The following CDH13 variants were observed in gnomAD, a reference collection of about 807,000 sequenced individuals.
CDH13 encodes cadherin-13.
A neutral mutation model predicts 63.8 loss-of-function variants in CDH13; 24 were observed. That is an observed-to-expected ratio of 0.38 (90% CI 0.27 to 0.53). The LOEUF is 0.53. Among genes scored for constraint, CDH13 ranks in the 20% least tolerant of loss-of-function variants. The pLI, the probability that CDH13 is intolerant of heterozygous loss-of-function variation, is 0.85. For synonymous variants in CDH13, 503 were observed against 355.3 expected (o/e 1.42, Z -4.67); for missense variants, 1,049 against 903.1 (o/e 1.16, Z -2.07).
chr16:82,661,536 G>A (rs1911947302), intron 1 of CDH13, among the ~76,000 whole-genome samples: 1 of 152,226 alleles, frequency 6.6e-6, no homozygotes, highest in Admixed American at 6.5e-5. Flanking sequence ...GTGTTCCCTT[G>A]GTGAAAGCCT....
chr16:82,680,908 C>T (rs911029282), intron 1 of CDH13, among the ~76,000 whole-genome samples: 2 of 152,178 alleles, frequency 1.3e-5, no homozygotes, highest in African/African-American at 4.8e-5. Context: ...ACCTTAAACT[C>T]ACTTGCTCAG....
intron 1 of CDH13, among the ~76,000 whole-genome samples, chr16:82,720,862 T>C (rs2032727920): frequency 6.6e-6 from 1 of 152,172 alleles, no homozygotes; most frequent in African/African-American, 2.4e-5. Flanking sequence ...CATTCGCCAA[T>C]GAGTCTCCTG....
At chr16:83,083,626 A>T (rs1425511569) in intron 3 of CDH13, among the ~76,000 whole-genome samples, 1 of 152,194 alleles carries the variant, frequency 6.6e-6, no homozygotes, top group African/African-American at 2.4e-5. Flanking sequence ...TGAAATATGG[A>T]ATTTGTATTG....
chr16:82,789,791 T>G (rs755297416), intron 1 of CDH13, among the ~76,000 whole-genome samples: 18 of 152,162 alleles, frequency 1.2e-4, no homozygotes, highest in Non-Finnish European at 2.2e-4. Context: ...GTGTTCAGAT[T>G]TTGAGAGCCT....
intron 7 of CDH13, among the ~76,000 whole-genome samples, chr16:83,506,920 C>T (rs1181029950): frequency 6.6e-6 from 1 of 152,220 alleles, no homozygotes; most frequent in African/African-American, 2.4e-5. Flanking sequence ...GCCTCACCAA[C>T]ATCCTGACTG....
At chr16:83,151,697 G>T (rs192502379) in intron 4 of CDH13, among the ~76,000 whole-genome samples, 3 of 152,288 alleles carry the variant, frequency 2.0e-5, no homozygotes, top group African/African-American at 7.2e-5. Context: ...AGGCACAGTG[G>T]TTCACGCCTG....
At chr16:82,835,909 C>G (rs1363772337) in intron 1 of CDH13, among the ~76,000 whole-genome samples, 4 of 152,142 alleles carry the variant, frequency 2.6e-5, no homozygotes, top group Non-Finnish European at 5.9e-5. Context: ...TACCAACACC[C>G]CCAGGAGAAA....
At chr16:83,378,769 G>A (rs1597870457) in intron 6 of CDH13, among the ~76,000 whole-genome samples, 2 of 152,196 alleles carry the variant, frequency 1.3e-5, no homozygotes, top group East Asian at 3.9e-4. Context: ...AGACTTGTAG[G>A]TAACACATAT....
intron 1 of CDH13, among the ~76,000 whole-genome samples, chr16:82,647,689 G>A (rs1028049820): frequency 6.6e-6 from 1 of 152,178 alleles, no homozygotes; most frequent in South Asian, 2.1e-4. Flanking sequence ...GACTACTCCA[G>A]CCTCAGAGAA....
chr16:83,570,491 A>T (rs896929413), intron 7 of CDH13, among the ~76,000 whole-genome samples: 1 of 151,988 alleles, frequency 6.6e-6, no homozygotes, highest in Non-Finnish European at 1.5e-5. Flanking sequence ...AAGCCAAGGA[A>T]AAACGTACTG....
intron 2 of CDH13, among the ~76,000 whole-genome samples, chr16:82,881,847 C>G (rs1253630310): frequency 6.6e-6 from 1 of 152,130 alleles, no homozygotes; most frequent in Non-Finnish European, 1.5e-5. Flanking sequence ...CCCCCACACC[C>G]AGGTCTCTTT....
At chr16:82,987,122 T>A (rs940224707) in intron 2 of CDH13, among the ~76,000 whole-genome samples, 1 of 152,180 alleles carries the variant, frequency 6.6e-6, no homozygotes, top group Admixed American at 6.5e-5. Flanking sequence ...GCTGTAGCAC[T>A]GGTCACCTTG....
chr16:83,352,058 C>T (rs913879230), intron 6 of CDH13, among the ~76,000 whole-genome samples: 2 of 152,158 alleles, frequency 1.3e-5, no homozygotes, highest in Non-Finnish European at 2.9e-5. Context: ...CTTAGGTCAT[C>T]ACTGGAATTT....
intron 2 of CDH13, among the ~76,000 whole-genome samples, chr16:82,928,136 T>C (rs2042362556): frequency 6.7e-6 from 1 of 148,458 alleles, no homozygotes; most frequent in Non-Finnish European, 1.5e-5. Context: ...TTTTTCTCCA[T>C]TCAATAATAT....
At chr16:83,396,012 T>A (rs546240452) in intron 6 of CDH13, among the ~76,000 whole-genome samples, 2 of 152,212 alleles carry the variant, frequency 1.3e-5, no homozygotes, top group South Asian at 4.1e-4. Flanking sequence ...GTTCTCATCA[T>A]TTAGCTCCCA....
intron 1 of CDH13, among the ~76,000 whole-genome samples, chr16:82,667,027 C>T (rs1019599080): frequency 5.3e-5 from 8 of 152,152 alleles, no homozygotes; most frequent in Non-Finnish European, 1.0e-4. Flanking sequence ...CAACTCGGAG[C>T]CTTCTGATGT....
chr16:83,382,961 C>G (rs537715587), intron 6 of CDH13: 2 of 152,356 alleles, frequency 1.3e-5, no homozygotes, highest in Admixed American at 6.5e-5. Flanking sequence ...GTGTGCAAGA[C>G]AGACCCCAAG....
chr16:83,330,212 C>G (rs1567596540), intron 5 of CDH13, among the ~76,000 whole-genome samples: 1 of 152,166 alleles, frequency 6.6e-6, no homozygotes, highest in Non-Finnish European at 1.5e-5. Context: ...TGTAAACACA[C>G]ACACACATGC....
intron 2 of CDH13, among the ~76,000 whole-genome samples, chr16:82,963,790 G>C (rs1412697108): frequency 6.6e-6 from 1 of 152,152 alleles, no homozygotes; most frequent in Non-Finnish European, 1.5e-5. Context: ...ATTTCCCCTT[G>C]GCACGGGAAG....
Sources: gnomAD v4.1 joint callset for allele counts (sites outside exome capture counted in the v4.1 genomes callset) on GRCh38, gnomAD v4.1.1 for gene constraint, MANE v1.5 for transcripts, NCBI Gene and HGNC (gene_info 2026-07-23, HGNC 2026-07-21) for gene names.